MED27: variants seen among roughly 807,000 people sequenced by gnomAD.
The protein encoded by MED27 is mediator of RNA polymerase II transcription subunit 27.
A neutral mutation model predicts 38.2 loss-of-function variants in MED27; 30 were observed. That is an observed-to-expected ratio of 0.79 (90% CI 0.59 to 1.07). MED27 has a LOEUF of 1.07. Ranked by LOEUF, MED27 falls within the 50% of genes least tolerant of loss-of-function variation. MED27 has a pLI of 0.00. For synonymous variants in MED27, 122 were observed against 153.5 expected, an observed-to-expected ratio of 0.79 and a Z score of 1.52; for missense variants, 289 against 397.5, an observed-to-expected ratio of 0.73 and a Z score of 2.32.
intron 3 of MED27, among the ~76,000 whole-genome samples, chr9:131,955,599 A>G (rs1018392249): frequency 1.9e-4 from 29 of 152,248 alleles, no homozygotes; most frequent in Non-Finnish European, 7.3e-5. Context: ...TAGAGGCATT[A>G]GAAGAGAATA....
intron 4 of MED27, among the ~76,000 whole-genome samples, chr9:131,918,768 C>T (rs1048285175): frequency 2.6e-5 from 4 of 151,736 alleles, no homozygotes; most frequent in Non-Finnish European, 4.4e-5. Flanking sequence ...GAAATTCACC[C>T]GGAAATGAAA....
intron 2 of MED27, among the ~76,000 whole-genome samples, chr9:132,060,311 T>A (rs1833670288): frequency 1.3e-5 from 2 of 152,116 alleles, no homozygotes; most frequent in Admixed American, 1.3e-4. Flanking sequence ...TGGAAGAAGA[T>A]GAGTGTTCAC....
At chr9:132,008,534 A>G (rs929177346) in intron 3 of MED27, among the ~76,000 whole-genome samples, 2 of 152,248 alleles carry the variant, frequency 1.3e-5, no homozygotes, top group East Asian at 1.9e-4. Context: ...TTTATCTTCT[A>G]TCAAGCTTCT....
chr9:131,952,797 T>C (rs958600976), intron 3 of MED27, among the ~76,000 whole-genome samples: 3 of 152,236 alleles, frequency 2.0e-5, no homozygotes, highest in African/African-American at 4.8e-5. Context: ...GGGGGAAGGA[T>C]AGTAACAGCT....
intron 6 of MED27, among the ~76,000 whole-genome samples, chr9:131,867,686 C>G (rs986020847): frequency 6.6e-6 from 1 of 152,256 alleles, no homozygotes; most frequent in African/African-American, 2.4e-5. Flanking sequence ...TCTTGGGCCC[C>G]TCTCTAGCCA....
At chr9:132,023,346 T>C (rs1382293479) in intron 2 of MED27, among the ~76,000 whole-genome samples, 1 of 152,206 alleles carries the variant, frequency 6.6e-6, no homozygotes, top group African/African-American at 2.4e-5. Flanking sequence ...AATAAACTAA[T>C]AAACATGATT....
chr9:132,060,411 G>A (rs1833672067), intron 2 of MED27, among the ~76,000 whole-genome samples: 2 of 152,174 alleles, frequency 1.3e-5, no homozygotes, highest in South Asian at 4.1e-4. Context: ...AGGCAAATTT[G>A]ATGTAGGCCA....
chr9:131,977,383 A>G (rs1260859003), intron 3 of MED27, among the ~76,000 whole-genome samples: 2 of 152,186 alleles, frequency 1.3e-5, no homozygotes, highest in Admixed American at 6.5e-5. Flanking sequence ...GCCTTAGACA[A>G]TATTTCTGGG....
At chr9:131,880,987 T>C (rs180793164) in intron 6 of MED27, among the ~76,000 whole-genome samples, 161 of 151,846 alleles carry the variant, frequency 1.1e-3, no homozygotes, top group African/African-American at 3.6e-3. Context: ...TGGACCATTG[T>C]TAAATACCAA....
chr9:132,011,701 T>C (rs1564323995), intron 3 of MED27, among the ~76,000 whole-genome samples: 1 of 152,078 alleles, frequency 6.6e-6, no homozygotes, highest in Non-Finnish European at 1.5e-5. Flanking sequence ...GGGGAGGCAA[T>C]TGATGTCTTT....
chr9:132,004,415 T>G (rs1832310936), intron 3 of MED27, among the ~76,000 whole-genome samples: 1 of 152,232 alleles, frequency 6.6e-6, no homozygotes, highest in South Asian at 2.1e-4. Flanking sequence ...ACCAATTATC[T>G]TTTAAACAGT....
At chr9:131,912,728 A>G (rs888063227) in intron 4 of MED27, among the ~76,000 whole-genome samples, 6 of 152,246 alleles carry the variant, frequency 3.9e-5, no homozygotes, top group Admixed American at 6.5e-5. Context: ...TGGTTACATT[A>G]TAAGTCTCTG....
rs66880335 is a variant in MED27 at position 131,861,767 on chromosome 9, C to CTTTTTTTTT, written c.802-1104_802-1096dup. Reference sequence around the variant, plus strand: ...AGTGCTGTGACAGATGTAAATGGTTCTTTTTTTTTTTTTTTTTTTTTATGA... The same window carrying CTTTTTTTTT: ...AGTGCTGTGACAGATGTAAATGGTTCTTTTTTTTTTTTTTTTTTTTTTTTTTTTTTATGA... On this transcript the variant is annotated intron_variant, in intron 7 of 7. Transcript: ENST00000292035. The surrounding 1 kb of genome is among the most constrained non-coding windows in gnomAD (Gnocchi z 4.4). Among the ~76,000 whole-genome samples the CTTTTTTTTT allele has an allele frequency of 6.9e-6, 1 of 145,170 alleles. No individual in the cohort carries two copies.
In MED27 at chr9:131,939,434, G is replaced by A; in HGVS notation, c.520C>T (p.Pro174Ser). 2 of 1,612,150 alleles carry A rather than the reference G, an allele frequency of 1.2e-6. No homozygotes were observed. The highest frequency in any genetic ancestry group is 1.7e-6 in the Non-Finnish European group (2 of 1,179,204). The change falls in exon 4 of 8, where the codon CCT (proline) becomes TCT (serine). Residue 174 changes from proline (P) to serine (S), a missense_variant. By Grantham distance (74) the Pro-to-Ser change is moderately conservative. Transcript: ENST00000292035. ...CTGGATAAGTGGATGGACATTTCAG[G>A]AAACATCCTGTCAATGCGGCTGATC... ...DVISRIDRMF[P>S]EMSIHLSRPN...
chr9:131,901,763 A>G (rs977356372), intron 4 of MED27, among the ~76,000 whole-genome samples: 1 of 152,154 alleles, frequency 6.6e-6, no homozygotes, highest in African/African-American at 2.4e-5. Context: ...TCTTTCCTCC[A>G]TATCATGCAG....
intron 4 of MED27, among the ~76,000 whole-genome samples, chr9:131,936,626 G>T (rs150364894): frequency 6.6e-6 from 1 of 152,208 alleles, no homozygotes; most frequent in South Asian, 2.1e-4. Context: ...GAATCATTTG[G>T]GCCATGGGGC....
intron 3 of MED27, among the ~76,000 whole-genome samples, chr9:131,945,600 C>T (rs1470676840): frequency 2.0e-5 from 3 of 152,052 alleles, no homozygotes; most frequent in African/African-American, 7.2e-5. Flanking sequence ...AACCCCCATG[C>T]CAAGCCCTTG....
intron 2 of MED27, among the ~76,000 whole-genome samples, chr9:132,061,665 A>G (rs1486210419): frequency 1.3e-5 from 2 of 152,230 alleles, no homozygotes; most frequent in East Asian, 1.9e-4. Flanking sequence ...ACCAGTTACT[A>G]AAGGGCAGCA....
rs372381666 is a variant in MED27 at position 131,870,982 on chromosome 9, G to A, written c.724-7842C>T. ...AATACAAGGCGGCTGCATCAGGTGG[G>A]CATGCCCACACATTCATCGAGGGAA... On this transcript the variant is annotated intron_variant, in intron 6 of 7. Transcript: ENST00000292035. 4.6e-5 allele frequency among the ~76,000 whole-genome samples: 7 copies of A among 152,346 alleles called. No homozygotes were observed. The East Asian group carries it at 1.2e-3, about 25-fold the overall frequency.
Sources: allele counts gnomAD v4.1 joint callset (sites outside exome capture counted in the v4.1 genomes callset), GRCh38; gene constraint gnomAD v4.1.1; non-coding constraint Gnocchi (gnomAD v3.1); transcripts MANE v1.5; gene names NCBI Gene and HGNC (gene_info 2026-07-23, HGNC 2026-07-21).